Variants in PIAS2 observed in about 807,000 individuals in gnomAD.
PIAS2 encodes the protein E3 SUMO-protein ligase PIAS2.
In PIAS2, 19 loss-of-function variants were observed where a neutral mutation model predicts 69.7. The ratio of observed to expected loss-of-function variants is 0.27; its 90% CI spans 0.19 to 0.40. The LOEUF is 0.40. Ranked by LOEUF, PIAS2 falls within the 10% of genes least tolerant of loss-of-function variation. The pLI is 1.00. For synonymous variants in PIAS2, 261 were observed against 263.2 expected, an observed-to-expected ratio of 0.99 and a Z score of 0.08; for missense variants, 624 against 757.0, an observed-to-expected ratio of 0.82 and a Z score of 2.06.
At chr18:46,917,297 G>A (rs1300616634) in intron 1 of PIAS2, 25 bp downstream of exon 1, 1 of 1,463,742 alleles carries the variant, frequency 6.8e-7, no homozygotes, top group Non-Finnish European at 9.1e-7. Context: ...CTCCCCCGCG[G>A]CCTCCGCTCT....
chr18:46,868,275 T>G (rs1408256677), intron 2 of PIAS2, among the ~76,000 whole-genome samples: 1 of 152,232 alleles, frequency 6.6e-6, no homozygotes, highest in African/African-American at 2.4e-5. Context: ...TCCTTGTCCC[T>G]TCTCCTAAGC....
chr18:46,910,907 C>G lies in PIAS2; in HGVS notation c.24+6415G>C, dbSNP rs117773149. On this transcript the variant is annotated intron_variant, in intron 1 of 13. Coordinates refer to ENST00000585916, the MANE Select transcript of PIAS2 (RefSeq NM_004671.5). Reference sequence around the variant, plus strand: ...TTCGAGAACTCAGAAAGTTTATCACCAGCATATCCTTCCAGAAACAACTAT... The same window carrying G: ...TTCGAGAACTCAGAAAGTTTATCACGAGCATATCCTTCCAGAAACAACTAT... 8.4e-3 allele frequency among the ~76,000 whole-genome samples: 1,275 copies of G among 152,226 alleles called. 6 individuals carry two copies. The highest frequency in any genetic ancestry group is 0.012 in the Non-Finnish European group (828 of 68,008).
chr18:46,907,008 A>G (rs778312493), intron 1 of PIAS2, among the ~76,000 whole-genome samples: 3 of 152,220 alleles, frequency 2.0e-5, no homozygotes, highest in Non-Finnish European at 2.9e-5. Flanking sequence ...AAAGGCAGTA[A>G]GGACCTGAGA....
intron 5 of PIAS2, among the ~76,000 whole-genome samples, chr18:46,848,878 A>C (rs1044966018): frequency 2.0e-5 from 3 of 151,702 alleles, no homozygotes; most frequent in Non-Finnish European, 4.4e-5. Context: ...AACAACTCCT[A>C]AGAAAAGTCC....
intron 2 of PIAS2, among the ~76,000 whole-genome samples, chr18:46,878,214 T>C (rs1343099725): frequency 6.6e-6 from 1 of 152,214 alleles, no homozygotes; most frequent in Non-Finnish European, 1.5e-5. Flanking sequence ...AGTAACACTT[T>C]TCTCACCTGC....
At chr18:46,870,615 CAAAAAAAAAAAA>C (rs58099640) in intron 2 of PIAS2, among the ~76,000 whole-genome samples, 45 of 54,934 alleles carry the variant, frequency 8.2e-4, no homozygotes, top group African/African-American at 9.5e-4. Context: ...GACTCCGTCT[CAAAAAAAAAAAA>C]AAAAAAAAAA....
chr18:46,846,884 GA>G (rs770698159), intron 5 of PIAS2, 43 bp from the exon 6 acceptor site: 8 of 1,506,346 alleles, frequency 5.3e-6, no homozygotes, highest in Non-Finnish European at 7.1e-6. Context: ...TCATCTGCAG[GA>G]AGATTAAACA....
chr18:46,831,281 CCA>C (rs533571604), intron 9 of PIAS2, among the ~76,000 whole-genome samples: 105 of 152,124 alleles, frequency 6.9e-4, no homozygotes, highest in Middle Eastern at 3.4e-3. Context: ...TTTTTAAATA[CCA>C]CAGAGATATG....
intron 13 of PIAS2, among the ~76,000 whole-genome samples, chr18:46,814,896 A>G (rs1218552033): frequency 6.6e-6 from 1 of 152,230 alleles, no homozygotes; most frequent in Non-Finnish European, 1.5e-5. Flanking sequence ...AATGTCTTTA[A>G]AAACAATGAA....
intron 1 of PIAS2, among the ~76,000 whole-genome samples, chr18:46,895,735 A>G (rs1038506934): frequency 2.6e-5 from 4 of 152,156 alleles, no homozygotes; most frequent in Non-Finnish European, 5.9e-5. Context: ...CTGCCAGATT[A>G]ACATAATCCC....
At chr18:46,835,707 A>G (rs1008451856) in intron 9 of PIAS2, among the ~76,000 whole-genome samples, 7 of 152,320 alleles carry the variant, frequency 4.6e-5, no homozygotes, top group Non-Finnish European at 8.8e-5. Context: ...GTATCATTTC[A>G]GTCTTTTTTA....
intron 3 of PIAS2, among the ~76,000 whole-genome samples, chr18:46,856,938 T>C (rs956197438): frequency 3.9e-5 from 6 of 152,322 alleles, no homozygotes; most frequent in African/African-American, 4.8e-5. Flanking sequence ...CTGCACAACA[T>C]TGTGCAAATC....
rs1208571309 is a variant in PIAS2 at position 46,804,348 on chromosome 18, G to C, written c.*8085C>G. 3 of 152,196 alleles carry C rather than the reference G, an allele frequency of 2.0e-5. No homozygotes were observed. The highest frequency in any genetic ancestry group is 2.4e-5 in the African/African-American group (1 of 41,446). The allele number at this position is 152,196 out of a possible 1,614,324, so 9.4% of individuals were successfully genotyped here. On this transcript the variant is annotated 3_prime_UTR_variant, in exon 14 of 14. Transcript: ENST00000585916. ...TAGAATGATCAAGAAAGGCCTCTGA[G>C]AAAGTAGTTAAAACTGGATTTGAAA... is the stretch of plus-strand genomic sequence containing the variant.
intron 13 of PIAS2, among the ~76,000 whole-genome samples, chr18:46,814,538 G>T (rs2041307013): frequency 6.6e-6 from 1 of 152,140 alleles, no homozygotes; most frequent in South Asian, 2.1e-4. Flanking sequence ...TTCTGCTGCT[G>T]TTCATGTAAT....
At chr18:46,912,961 A>T (rs2057420978) in intron 1 of PIAS2, among the ~76,000 whole-genome samples, 1 of 152,242 alleles carries the variant, frequency 6.6e-6, no homozygotes, top group Non-Finnish European at 1.5e-5. Context: ...CTGAGATTAC[A>T]GCCTTGAGCC....
At chr18:46,845,929 T>C (rs1242757644) in intron 6 of PIAS2, among the ~76,000 whole-genome samples, 1 of 152,122 alleles carries the variant, frequency 6.6e-6, no homozygotes, top group Non-Finnish European at 1.5e-5. Context: ...AACAAAAAAT[T>C]CCTGCTATAA....
chr18:46,819,496 T>A (rs1202740752), intron 12 of PIAS2, among the ~76,000 whole-genome samples: 1 of 152,174 alleles, frequency 6.6e-6, no homozygotes, highest in Non-Finnish European at 1.5e-5. Flanking sequence ...AAATGTCTAT[T>A]CTTTTCCACT....
upstream of PIAS2, chr18:46,919,983 A>G (rs758843866): frequency 2.7e-5 from 26 of 964,532 alleles, no homozygotes; most frequent in Non-Finnish European, 3.5e-5. Context: ...GCCACAGAGG[A>G]GCTTACACCC....
intron 1 of PIAS2, among the ~76,000 whole-genome samples, chr18:46,912,878 AAT>A (rs1193635578): frequency 2.0e-5 from 3 of 152,208 alleles, no homozygotes; most frequent in Non-Finnish European, 4.4e-5. Context: ...TCATTTAAAA[AAT>A]ATGAGAAATG....
Sources: allele counts gnomAD v4.1 joint callset (sites outside exome capture counted in the v4.1 genomes callset), GRCh38; gene constraint gnomAD v4.1.1; transcripts MANE v1.5; gene names NCBI Gene and HGNC (gene_info 2026-07-23, HGNC 2026-07-21).